Variants in USP54 observed in about 807,000 individuals in gnomAD.
USP54 encodes the protein ubiquitin specific peptidase 54.
USP54 carries 87 observed loss-of-function variants against 170.5 expected under a neutral mutation model. The ratio of observed to expected loss-of-function variants is 0.51; its 90% CI spans 0.43 to 0.61. The LOEUF (loss-of-function observed/expected upper bound fraction) is 0.61. Ranked by LOEUF, USP54 falls within the 20% of genes least tolerant of loss-of-function variation. The probability of loss-of-function intolerance (pLI) is 0.00; values close to 1 mark genes in which losing one functional copy is unlikely to be tolerated. For missense variants in USP54, 1,786 were observed against 2,047.8 expected (o/e 0.87, Z 2.47); for synonymous variants, 655 against 742.8 (o/e 0.88, Z 1.92).
intron 1 of USP54, among the ~76,000 whole-genome samples, chr10:73,614,606 C>T (rs2080464923): frequency 7.1e-6 from 1 of 140,956 alleles, no homozygotes; most frequent in African/African-American, 2.8e-5. Context: ...TACATACATA[C>T]ATACACAAAT....
intron 4 of USP54, among the ~76,000 whole-genome samples, chr10:73,553,829 C>T (rs1170894552): frequency 6.6e-6 from 1 of 152,164 alleles, no homozygotes. Context: ...AGGCAAATCA[C>T]TTTTTGTCTG....
chr10:73,619,215 A>G (rs2080891809), intron 1 of USP54, among the ~76,000 whole-genome samples: 1 of 150,054 alleles, frequency 6.7e-6, no homozygotes. Flanking sequence ...ACAAACAACA[A>G]AACTGCATGT....
chr10:73,526,871 T>C, intron 15 of USP54, 91 bp from the exon 16 acceptor site: 7 of 1,295,988 alleles, frequency 5.4e-6, no homozygotes, highest in Non-Finnish European at 7.4e-6. Flanking sequence ...AAAAAAAAAA[T>C]CAAACTACAC....
rs746363588 is a variant in USP54, at chr10:73,498,665, C to A, written c.5019G>T (p.Gln1673His). 2.5e-6 allele frequency: 4 copies of A among 1,578,124 alleles called. No individual in the cohort carries two copies. Among genetic ancestry groups the A allele is most frequent in the Non-Finnish European group, 3.4e-6 (4 of 1,161,234 alleles). ...FVLSDAPRRE[Q>H]IRARVLQHSQ... ...TGTGCTGCAGGACTCTAGCCCTGAT[C>A]TGCTCTCTTCTGGGAGCATCTGATA... The change falls in exon 24 of 24, where the codon CAG becomes CAT. Residue 1673 changes from glutamine to histidine, a missense_variant. Gln to His is a conservative substitution (Grantham distance 24, BLOSUM62 0). This residue lies in a region of USP54 where 1,418 missense variants were observed against 1,569.0 expected (regional missense o/e 0.90). Coordinates refer to ENST00000687698, the MANE Select transcript of USP54 (RefSeq NM_001391956.1).
At chr10:73,603,870 A>G (rs186385928) in intron 1 of USP54, among the ~76,000 whole-genome samples, 4 of 152,298 alleles carry the variant, frequency 2.6e-5, no homozygotes, top group Admixed American at 2.0e-4. Flanking sequence ...AACACAGGAA[A>G]AGACACTCAA....
intron 5 of USP54, among the ~76,000 whole-genome samples, chr10:73,543,942 T>C (rs770684566): frequency 2.0e-5 from 3 of 151,082 alleles, no homozygotes; most frequent in Admixed American, 6.6e-5. Context: ...ACATACCACA[T>C]AACCTTTTTT....
chr10:73,517,247 G>A lies in USP54; in HGVS notation c.3179C>T (p.Ser1060Leu). ...EHSLGCSPSN[S>L]SAQPSLPLYR... ...CAGGGGAAGGCTGGGCTGAGCTGAT[G>A]AATTTGAAGGACTACAGCCTAGGCT... The change falls in exon 20 of 24, where the codon TCA (serine) becomes TTA (leucine). Residue 1060 changes from serine to leucine, a missense_variant. By Grantham distance (145) the Ser-to-Leu change is moderately radical. This residue lies in a region of USP54 where 1,418 missense variants were observed against 1,569.0 expected (regional missense o/e 0.90). Transcript: ENST00000687698. 6 of 1,614,198 alleles carry A rather than the reference G, an allele frequency of 3.7e-6. No homozygotes were observed. The highest frequency in any genetic ancestry group is 5.1e-6 in the Non-Finnish European group (6 of 1,180,016).
intron 13 of USP54, 84 bp from the exon 14 acceptor site, chr10:73,530,607 G>A: frequency 6.4e-7 from 1 of 1,568,128 alleles, no homozygotes; most frequent in South Asian, 1.2e-5. Context: ...GCAAAGAAAA[G>A]CCCTCTGAAC....
At chr10:73,556,427 A>C (rs2071066491) in intron 4 of USP54, among the ~76,000 whole-genome samples, 1 of 150,848 alleles carries the variant, frequency 6.6e-6, no homozygotes, top group Admixed American at 6.6e-5. Flanking sequence ...GTTCACTGCA[A>C]CCTCCACCTC....
intron 4 of USP54, among the ~76,000 whole-genome samples, chr10:73,557,063 A>G (rs1358321701): frequency 6.6e-6 from 1 of 152,194 alleles, no homozygotes; most frequent in East Asian, 1.9e-4. Flanking sequence ...CAATCCCTGG[A>G]AGAACAAAAT....
intron 1 of USP54, among the ~76,000 whole-genome samples, chr10:73,599,905 T>A (rs1589374741): frequency 6.6e-6 from 1 of 150,732 alleles, no homozygotes; most frequent in East Asian, 1.9e-4. Flanking sequence ...TGGGCTTTTT[T>A]TTTTTTTTTT....
intron 1 of USP54, among the ~76,000 whole-genome samples, chr10:73,579,929 T>C (rs1014257600): frequency 2.0e-5 from 3 of 152,104 alleles, no homozygotes; most frequent in Non-Finnish European, 4.4e-5. Context: ...ATACACCTAT[T>C]AGAATAGTTA....
intron 15 of USP54, among the ~76,000 whole-genome samples, chr10:73,527,733 C>A (rs1027780699): frequency 6.7e-6 from 1 of 150,292 alleles, no homozygotes; most frequent in Non-Finnish European, 1.5e-5. Context: ...GGTGTGGTGA[C>A]TCACACCTAT....
At chr10:73,530,563 G>A (rs1214045327) in intron 13 of USP54, 40 bp from the exon 14 acceptor site, 9 of 1,580,728 alleles carry the variant, frequency 5.7e-6, no homozygotes, top group African/African-American at 1.4e-5. Flanking sequence ...GATGTTTAAA[G>A]TGATCATGGA....
At chr10:73,543,193 G>T in intron 5 of USP54, 62 bp from the exon 6 acceptor site, 1 of 1,210,308 alleles carries the variant, frequency 8.3e-7, no homozygotes, top group Non-Finnish European at 1.2e-6. Context: ...ACATAAATTG[G>T]TAAGCAGCTT....
Position 73,530,691 on chromosome 10 carries a change from C to T in USP54, c.1447+13G>A, listed in dbSNP as rs1564716645. 2.5e-6 allele frequency: 4 copies of T among 1,613,566 alleles called. No individual in the cohort carries two copies. Among genetic ancestry groups the T allele is most frequent in the Non-Finnish European group, 3.4e-6 (4 of 1,179,884 alleles). ...GAATGAAGGAGAAAGAGAAGCAGTGCAGAAGGGCTTGCCTTCACTGTGGTA... is the reference window on the plus strand; with the variant it reads ...GAATGAAGGAGAAAGAGAAGCAGTGTAGAAGGGCTTGCCTTCACTGTGGTA... On this transcript the variant is annotated intron_variant, in intron 13 of 23. Coordinates refer to ENST00000687698, the MANE Select transcript of USP54 (RefSeq NM_001391956.1).
chr10:73,527,498 C>CAAAA (rs931778033), intron 15 of USP54, among the ~76,000 whole-genome samples: 3 of 52,128 alleles, frequency 5.8e-5, no homozygotes, highest in East Asian at 4.3e-4. Context: ...CACTCCATCT[C>CAAAA]AAAAAAAAAA....
chr10:73,614,546 G>A (rs2080450161), intron 1 of USP54, among the ~76,000 whole-genome samples: 2 of 125,578 alleles, frequency 1.6e-5, no homozygotes, highest in Non-Finnish European at 3.1e-5. Flanking sequence ...GGCAACAAAA[G>A]TGAGACTCCG....
At chr10:73,576,506 G>GAAAAAAAAAAAAAAAAAAAAAAAAAAA (rs112010968) in intron 1 of USP54, 145 bp from the exon 2 acceptor site, 1 of 74,882 alleles carries the variant, frequency 1.3e-5, no homozygotes, top group Non-Finnish European at 2.8e-5. Flanking sequence ...AAGAAAAAAA[G>GAAAAAAAAAAAAAAAAAAAAAAAAAAA]AAAAAAAAAA....
Sources: allele counts gnomAD v4.1 joint callset (sites outside exome capture counted in the v4.1 genomes callset), GRCh38; gene constraint gnomAD v4.1.1; regional missense constraint gnomAD v4.1.1; transcripts MANE v1.5; gene names NCBI Gene and HGNC (gene_info 2026-07-23, HGNC 2026-07-21).